Variants in DTWD2 observed in about 807,000 individuals in gnomAD.
DTWD2 encodes DTW motif tRNA-uridine aminocarboxypropyltransferase 2.
In DTWD2, 39 loss-of-function variants were observed where a neutral mutation model predicts 31.8. The observed-to-expected ratio is 1.22, with a 90% CI of 0.95 to 1.60. The LOEUF (loss-of-function observed/expected upper bound fraction) is 1.60. DTWD2 is among the 40% of genes most tolerant of loss of function. DTWD2 has a pLI of 0.00. For missense variants in DTWD2, 515 were observed against 381.5 expected (o/e 1.35, Z -2.92); for synonymous variants, 180 against 142.8 (o/e 1.26, Z -1.86).
At chr5:118,867,774 C>T (rs1266634598) in intron 4 of DTWD2, among the ~76,000 whole-genome samples, 3 of 152,132 alleles carry the variant, frequency 2.0e-5, no homozygotes, top group African/African-American at 7.2e-5. Flanking sequence ...TTAACGAAGA[C>T]ACCAATAAAT....
chr5:118,931,259 G>A (rs572829073), intron 3 of DTWD2, among the ~76,000 whole-genome samples: 1 of 152,122 alleles, frequency 6.6e-6, no homozygotes, highest in South Asian at 2.1e-4. Context: ...GCCAAGCATG[G>A]TGGCGTGCAC....
At position 118,885,594 on chromosome 5, in the gene DTWD2, C is replaced by T. The variant is rs559595652; in HGVS notation, c.598-37376G>A. Among the ~76,000 whole-genome samples the T allele has an allele frequency of 7.9e-4, 119 of 151,122 alleles. 1 individual carries two copies. Among genetic ancestry groups the T allele is most frequent in the African/African-American group, 2.8e-3 (115 of 41,214 alleles). On this transcript the variant is annotated intron_variant, in intron 4 of 5. Coordinates refer to ENST00000510708, the MANE Select transcript of DTWD2 (RefSeq NM_173666.4). ...CAGCCTGGCCAACAGGGCGAAATCT[C>T]GTCTCTACTAAAAATACAAAATTAG...
chr5:118,927,632 A>G lies in DTWD2; in HGVS notation c.597+905T>C, dbSNP rs927701562. On this transcript the variant is annotated intron_variant, in intron 4 of 5. Coordinates refer to ENST00000510708, the MANE Select transcript of DTWD2 (RefSeq NM_173666.4). ...TATATGGCAACCAATCTGCTAACTT[A>G]GAGAAAAGAGATAATTCCCTAGAGA... Among the ~76,000 whole-genome samples, 10 of 152,120 alleles carry G rather than the reference A, an allele frequency of 6.6e-5. No homozygotes were observed. In the East Asian group the frequency reaches 1.9e-3, roughly 29 times the overall value.
intron 5 of DTWD2, among the ~76,000 whole-genome samples, chr5:118,847,677 G>A (rs1021930513): frequency 6.6e-6 from 1 of 151,090 alleles, no homozygotes; most frequent in Non-Finnish European, 1.5e-5. Flanking sequence ...CAGAAAGTTA[G>A]TATACGGCAC....
intron 1 of DTWD2, among the ~76,000 whole-genome samples, chr5:118,954,561 T>A (rs1169771419): frequency 6.6e-6 from 1 of 152,178 alleles, no homozygotes; most frequent in African/African-American, 2.4e-5. Context: ...TCACCCAGGC[T>A]GGAGTGCAGT....
intron 1 of DTWD2, among the ~76,000 whole-genome samples, chr5:118,960,943 G>A (rs1312623772): frequency 6.6e-6 from 1 of 152,100 alleles, no homozygotes; most frequent in Non-Finnish European, 1.5e-5. Flanking sequence ...GGTGGGAAGA[G>A]GGTGAGGATC....
intron 1 of DTWD2, among the ~76,000 whole-genome samples, chr5:118,957,531 T>A (rs1754613431): frequency 6.6e-6 from 1 of 152,120 alleles, no homozygotes; most frequent in South Asian, 2.1e-4. Flanking sequence ...CTGTTGTGAT[T>A]TTTTAATTAC....
intron 5 of DTWD2, among the ~76,000 whole-genome samples, chr5:118,843,402 A>T (rs1455403327): frequency 8.6e-6 from 1 of 116,894 alleles, no homozygotes; most frequent in South Asian, 2.3e-4. Context: ...GAAAGAAAAA[A>T]GGTAAATATC....
At chr5:118,960,816 C>T (rs763046839) in intron 1 of DTWD2, among the ~76,000 whole-genome samples, 3 of 151,938 alleles carry the variant, frequency 2.0e-5, no homozygotes, top group Admixed American at 1.3e-4. Flanking sequence ...AGTGAACTAA[C>T]GCAAGAACAG....
At chr5:118,862,945 T>A (rs1396876787) in intron 4 of DTWD2, among the ~76,000 whole-genome samples, 2 of 152,192 alleles carry the variant, frequency 1.3e-5, no homozygotes, top group African/African-American at 4.8e-5. Context: ...AAAGGCTATA[T>A]CCCTTTTTCT....
At chr5:118,962,754 C>G (rs190876821) in intron 1 of DTWD2, among the ~76,000 whole-genome samples, 1 of 152,182 alleles carries the variant, frequency 6.6e-6, no homozygotes, top group African/African-American at 2.4e-5. Flanking sequence ...TTAATTCTCA[C>G]AAAACCTGTC....
At chr5:118,858,320 T>G (rs1215889559) in intron 4 of DTWD2, among the ~76,000 whole-genome samples, 1 of 152,206 alleles carries the variant, frequency 6.6e-6, no homozygotes, top group Non-Finnish European at 1.5e-5. Flanking sequence ...ATATCTATAT[T>G]CAGATAAGCT....
At chr5:118,886,214 G>A (rs561743375) in intron 4 of DTWD2, among the ~76,000 whole-genome samples, 17 of 152,296 alleles carry the variant, frequency 1.1e-4, no homozygotes, top group Admixed American at 2.0e-4. Flanking sequence ...GTACGTAACA[G>A]GCACTGTTCT....
chr5:118,894,485 T>C (rs1753039775), intron 4 of DTWD2, among the ~76,000 whole-genome samples: 1 of 152,188 alleles, frequency 6.6e-6, no homozygotes, highest in Non-Finnish European at 1.5e-5. Context: ...CAGTGTGGTA[T>C]TGCTATTTAA....
At chr5:118,882,958 G>C (rs1431248683) in intron 4 of DTWD2, among the ~76,000 whole-genome samples, 1 of 152,142 alleles carries the variant, frequency 6.6e-6, no homozygotes, top group African/African-American at 2.4e-5. Flanking sequence ...CCAGAAAATG[G>C]GTTTTTGTTT....
chr5:118,894,445 A>T (rs935541657), intron 4 of DTWD2, among the ~76,000 whole-genome samples: 1 of 152,216 alleles, frequency 6.6e-6, no homozygotes, highest in Non-Finnish European at 1.5e-5. Context: ...CCTGATTTCA[A>T]CTATTCCCAC....
At chr5:118,954,595 C>T (rs987582743) in intron 1 of DTWD2, among the ~76,000 whole-genome samples, 3 of 152,166 alleles carry the variant, frequency 2.0e-5, no homozygotes, top group African/African-American at 7.2e-5. Flanking sequence ...TTCACTGCAA[C>T]CTCCGCCTCC....
chr5:118,919,113 A>G (rs567150624), intron 4 of DTWD2, among the ~76,000 whole-genome samples: 3 of 152,360 alleles, frequency 2.0e-5, no homozygotes, highest in African/African-American at 7.2e-5. Context: ...CACGGGTTCT[A>G]GATCAGAGAC....
intron 4 of DTWD2, among the ~76,000 whole-genome samples, chr5:118,859,305 T>C (rs1752207387): frequency 6.6e-6 from 1 of 152,184 alleles, no homozygotes; most frequent in Non-Finnish European, 1.5e-5. Flanking sequence ...ATATTCATTA[T>C]TTTCAGATTA....
Sources: gnomAD v4.1 joint callset for allele counts (sites outside exome capture counted in the v4.1 genomes callset) on GRCh38, gnomAD v4.1.1 for gene constraint, MANE v1.5 for transcripts, NCBI Gene and HGNC (gene_info 2026-07-23, HGNC 2026-07-21) for gene names.